Variants in STAU1 observed in about 807,000 individuals in gnomAD.
STAU1 encodes double-stranded RNA-binding protein Staufen homolog 1.
A neutral mutation model predicts 62.9 loss-of-function variants in STAU1; 13 were observed. That is an observed-to-expected ratio of 0.21 (90% CI 0.13 to 0.33). The LOEUF is 0.33. Ranked by LOEUF, STAU1 falls within the 10% of genes least tolerant of loss-of-function variation. The pLI, the probability that STAU1 is intolerant of heterozygous loss-of-function variation, is 1.00. For missense variants in STAU1, 571 were observed against 712.1 expected (o/e 0.80, Z 2.25); for synonymous variants, 269 against 265.1 (o/e 1.01, Z -0.14).
At chr20:49,135,722 G>T in intron 6 of STAU1, 111 bp downstream of exon 6, 1 of 796,734 alleles carries the variant, frequency 1.3e-6, no homozygotes, top group Non-Finnish European at 2.0e-6. Context: ...AAATTTGGAG[G>T]TTCACATTAT....
At chr20:49,134,060 A>AT (rs1422718190) in intron 6 of STAU1, among the ~76,000 whole-genome samples, 4 of 152,300 alleles carry the variant, frequency 2.6e-5, no homozygotes, top group Admixed American at 2.6e-4. Flanking sequence ...ATAAGCCATA[A>AT]TCAAGCACGT....
In STAU1 at chr20:49,136,989, C is replaced by T. The variant is rs898913277; in HGVS notation, c.511-1058G>A. Among the ~76,000 whole-genome samples the T allele has an allele frequency of 4.6e-5, 7 of 152,134 alleles. No homozygotes were observed. In the East Asian group the frequency reaches 7.7e-4, roughly 17 times the overall value. On this transcript the variant is annotated intron_variant, in intron 5 of 13. Transcript: ENST00000371856. ...GGATTAAGGCGTGAGCCACCACGCC[C>T]GGCGGGAAACCACTTTAAGAGAATG...
chr20:49,210,632 T>G, the STAU1 span: 6 of 399,774 alleles, frequency 1.5e-5, no homozygotes, highest in Non-Finnish European at 2.5e-5. Flanking sequence ...ACACTTTGCA[T>G]ATTGTTTGAA....
rs576498184 is a variant in STAU1 at position 49,120,703 on chromosome 20, T to C, written c.967-575A>G. On this transcript the variant is annotated intron_variant, in intron 8 of 13. Transcript: ENST00000371856. ...ACTAGCACAAAAAACTGAAATATCT[T>C]CCCGTCTTTGAAAATTATCTAATTT... Among the ~76,000 whole-genome samples the C allele has an allele frequency of 3.2e-4, 48 of 152,330 alleles. No homozygotes were observed. The East Asian group carries it at 4.8e-3, about 15-fold the overall frequency.
intron 5 of STAU1, among the ~76,000 whole-genome samples, chr20:49,137,273 G>A (rs2092907139): frequency 6.6e-6 from 1 of 152,112 alleles, no homozygotes; most frequent in Non-Finnish European, 1.5e-5. Flanking sequence ...AATACAAGGC[G>A]CAAACTAATA....
At chr20:49,176,912 G>GTT (rs11368238) in intron 1 of STAU1, among the ~76,000 whole-genome samples, 24 of 135,724 alleles carry the variant, frequency 1.8e-4, no homozygotes, top group African/African-American at 2.4e-4. Context: ...AGGGTGTCTA[G>GTT]TTTTTTTTTT....
the STAU1 span, among the ~76,000 whole-genome samples, chr20:49,205,062 A>G: frequency 6.6e-6 from 1 of 152,124 alleles, no homozygotes; most frequent in Non-Finnish European, 1.5e-5. Flanking sequence ...TCATGAGTTC[A>G]TTTTAGGTCA....
intron 2 of STAU1, among the ~76,000 whole-genome samples, chr20:49,170,872 T>C (rs564375807): frequency 6.6e-6 from 1 of 152,086 alleles, no homozygotes; most frequent in Admixed American, 6.5e-5. Context: ...TCACTAAATG[T>C]CTCCCCTTGC....
intron 6 of STAU1, among the ~76,000 whole-genome samples, chr20:49,135,291 T>C (rs2092853300): frequency 1.3e-5 from 2 of 152,252 alleles, no homozygotes; most frequent in Admixed American, 6.5e-5. Context: ...ATGAACTATA[T>C]GTCTTTTAAG....
chr20:49,152,818 T>A (rs1415569755), intron 4 of STAU1, among the ~76,000 whole-genome samples: 1 of 152,204 alleles, frequency 6.6e-6, no homozygotes, highest in African/African-American at 2.4e-5. Context: ...GGAATCATGA[T>A]GCTATGGGAA....
rs371432860 is a variant in STAU1, at chr20:49,166,241, C to T, written c.-40G>A. The T allele has an allele frequency of 8.0e-5, 126 of 1,582,638 alleles. No homozygotes were observed. The highest frequency in any genetic ancestry group is 1.0e-4 in the Non-Finnish European group (119 of 1,152,792). On this transcript the variant is annotated 5_prime_UTR_variant, in exon 3 of 14. Coordinates refer to ENST00000371856, the MANE Select transcript of STAU1 (RefSeq NM_017453.4). ...AAAGTGAACAAATGCAGGTAAACAGCTTTCAGTGCAGGTTAATTCAGTGCT... is the reference window on the plus strand; with the variant it reads ...AAAGTGAACAAATGCAGGTAAACAGTTTTCAGTGCAGGTTAATTCAGTGCT...
upstream of STAU1, among the ~76,000 whole-genome samples, chr20:49,189,059 G>A (rs2093823431): frequency 6.6e-6 from 1 of 151,628 alleles, no homozygotes; most frequent in African/African-American, 2.4e-5. Context: ...AAATTAGCCG[G>A]GCGTGGTGGC....
the STAU1 span, among the ~76,000 whole-genome samples, chr20:49,204,942 G>A: frequency 6.6e-6 from 1 of 151,684 alleles, no homozygotes; most frequent in African/African-American, 2.4e-5. Context: ...GAGCCACTGT[G>A]CCTGGCCCAC....
chr20:49,117,687 A>G lies in STAU1; in HGVS notation c.1509+90T>C. On this transcript the variant is annotated intron_variant, in intron 11 of 13. Transcript: ENST00000371856. The surrounding 1 kb of genome is among the most constrained non-coding windows in gnomAD (Gnocchi z 4.6). ...CCTGGACAGAACTTGATTTAAGAAA[A>G]AAGTACAAAGTTCAAAGTTCATTTT... The G allele has an allele frequency of 1.4e-6, 2 of 1,384,786 alleles. No homozygotes were observed. Among genetic ancestry groups the G allele is most frequent in the East Asian group, 2.3e-5 (1 of 42,828 alleles). 85.8% of individuals were successfully genotyped at this position (1,384,786 alleles called of 1,614,324 possible).
intron 2 of STAU1, among the ~76,000 whole-genome samples, chr20:49,167,139 G>C (rs563958078): frequency 6.6e-6 from 1 of 152,130 alleles, no homozygotes; most frequent in Non-Finnish European, 1.5e-5. Flanking sequence ...ATTTCTTCAC[G>C]AGACAAAAAT....
At chr20:49,172,216 CATT>C (rs372435463) in intron 2 of STAU1, among the ~76,000 whole-genome samples, 1 of 152,196 alleles carries the variant, frequency 6.6e-6, no homozygotes, top group African/African-American at 2.4e-5. Flanking sequence ...AAGAGATTTT[CATT>C]ATTTTCATCC....
At chr20:49,122,745 G>A (rs1464511354) in intron 8 of STAU1, among the ~76,000 whole-genome samples, 5 of 151,788 alleles carry the variant, frequency 3.3e-5, no homozygotes, top group East Asian at 1.9e-4. Context: ...GCGAAACTCC[G>A]TCTCTGCTAA....
chr20:49,130,407 A>G (rs2092725090), intron 6 of STAU1, among the ~76,000 whole-genome samples: 1 of 152,130 alleles, frequency 6.6e-6, no homozygotes, highest in Non-Finnish European at 1.5e-5. Flanking sequence ...ACACTTATCA[A>G]AACACATCGA....
At chr20:49,180,814 T>C (rs1268883556) in intron 1 of STAU1, among the ~76,000 whole-genome samples, 1 of 152,222 alleles carries the variant, frequency 6.6e-6, no homozygotes, top group Non-Finnish European at 1.5e-5. Context: ...GACTATTACT[T>C]AACCAGACTT....
Sources: allele counts gnomAD v4.1 joint callset (sites outside exome capture counted in the v4.1 genomes callset), GRCh38; gene constraint gnomAD v4.1.1; non-coding constraint Gnocchi (gnomAD v3.1); transcripts MANE v1.5; gene names NCBI Gene and HGNC (gene_info 2026-07-23, HGNC 2026-07-21).